The following GALNT14 variants were observed in gnomAD, a reference collection of about 807,000 sequenced individuals.
GALNT14 encodes the protein polypeptide N-acetylgalactosaminyltransferase 14.
In GALNT14, 60 loss-of-function variants were observed where a neutral mutation model predicts 77.5. That is an observed-to-expected ratio of 0.77 (90% CI 0.63 to 0.96). The LOEUF (loss-of-function observed/expected upper bound fraction) is 0.96. Ranked by LOEUF, GALNT14 falls within the 40% of genes least tolerant of loss-of-function variation. GALNT14 has a pLI of 0.00. For missense variants in GALNT14, 710 were observed against 731.0 expected (o/e 0.97, Z 0.33); for synonymous variants, 280 against 281.7 (o/e 0.99, Z 0.06).
At chr2:31,103,839 C>T (rs967624421) in intron 1 of GALNT14, among the ~76,000 whole-genome samples, 2 of 152,106 alleles carry the variant, frequency 1.3e-5, no homozygotes, top group East Asian at 1.9e-4. Context: ...TTTAGTTTTA[C>T]AGTTAAAAAT....
chr2:30,992,902 A>G lies in GALNT14; in HGVS notation c.235T>C (p.Phe79Leu). 1 of 1,614,146 alleles carries G rather than the reference A, an allele frequency of 6.2e-7. No individual in the cohort carries two copies. The highest frequency in any genetic ancestry group is 8.5e-7 in the Non-Finnish European group (1 of 1,180,024). The change falls in exon 2 of 15, where the codon TTC becomes CTC. Residue 79 changes from phenylalanine (F) to leucine (L), a missense_variant. Phe to Leu is a conservative substitution (Grantham distance 22). Transcript: ENST00000349752. ...VGDDPYKLYA[F>L]NQRESERISS... The stretch of plus-strand genomic sequence containing the variant: ...ATCCGCTCACTCTCCCGCTGGTTGA[A>G]AGCATACAGCTTATAGGGGTCGTCA...
At position 31,078,988 on chromosome 2, in the gene GALNT14, G is replaced by A. The variant is rs566083815; in HGVS notation, c.129+58970C>T. 12 of 1,289,178 alleles carry A rather than the reference G, an allele frequency of 9.3e-6. No homozygotes were observed. In the South Asian group the frequency reaches 1.4e-4, roughly 15 times the overall value. The allele number at this position is 1,289,178 out of a possible 1,614,324, so 79.9% of individuals were successfully genotyped here. A position where few individuals can be genotyped will look rare whatever the true frequency, so the allele number is the denominator to read the frequency against. On this transcript the variant is annotated intron_variant, in intron 1 of 14. Coordinates refer to ENST00000349752, the MANE Select transcript of GALNT14 (RefSeq NM_024572.4). ...TTCCATGCCTGGGAGGGAGAGCAGG[G>A]GAGCTACAGTGGGCTGCTGAAATTG...
chr2:31,004,570 C>T (rs1158045828), intron 1 of GALNT14, among the ~76,000 whole-genome samples: 2 of 152,150 alleles, frequency 1.3e-5, no homozygotes, highest in Non-Finnish European at 2.9e-5. Context: ...AAGGGTGAGG[C>T]TGCAGCCATC....
At chr2:31,067,428 T>G (rs1411158444) in intron 1 of GALNT14, among the ~76,000 whole-genome samples, 5 of 151,770 alleles carry the variant, frequency 3.3e-5, no homozygotes, top group Non-Finnish European at 7.4e-5. Context: ...AGACTCAGGC[T>G]GTCTTCACGA....
At chr2:30,891,365 CTTAA>C in the GALNT14 span, among the ~76,000 whole-genome samples, 16 of 152,294 alleles carry the variant, frequency 1.1e-4, no homozygotes, top group Admixed American at 7.2e-4. Context: ...GGCCTTGAAA[CTTAA>C]TTAGAGACTT....
At chr2:30,959,770 G>T (rs561154795) in intron 3 of GALNT14, among the ~76,000 whole-genome samples, 92 of 152,232 alleles carry the variant, frequency 6.0e-4, no homozygotes, top group Non-Finnish European at 1.1e-3. Flanking sequence ...CTATCCAGGG[G>T]CAAGGTTAAC....
At chr2:31,077,698 T>C (rs1457112935) in intron 1 of GALNT14, among the ~76,000 whole-genome samples, 2 of 152,226 alleles carry the variant, frequency 1.3e-5, no homozygotes, top group East Asian at 1.9e-4. Context: ...TTTACCTCCT[T>C]ATCTGTCTCT....
intron 1 of GALNT14, among the ~76,000 whole-genome samples, chr2:31,120,990 C>T (rs1237562908): frequency 6.6e-6 from 1 of 152,226 alleles, no homozygotes; most frequent in East Asian, 1.9e-4. Flanking sequence ...TGGATCAGCA[C>T]ACATCTCAAA....
At chr2:30,948,336 C>T (rs1339754734) in intron 6 of GALNT14, among the ~76,000 whole-genome samples, 2 of 152,158 alleles carry the variant, frequency 1.3e-5, no homozygotes, top group Non-Finnish European at 1.5e-5. Flanking sequence ...AACCTCTAAC[C>T]CCTTGGAATG....
chr2:30,946,143 G>A (rs1666681804), intron 6 of GALNT14, among the ~76,000 whole-genome samples: 1 of 152,204 alleles, frequency 6.6e-6, no homozygotes, highest in Non-Finnish European at 1.5e-5. Context: ...ACATGATGGA[G>A]GCTGGCTGGA....
At chr2:30,895,722 T>G in the GALNT14 span, among the ~76,000 whole-genome samples, 35 of 152,062 alleles carry the variant, frequency 2.3e-4, no homozygotes, top group Non-Finnish European at 4.4e-5. Flanking sequence ...TGCCCCTTGT[T>G]CTCAAGCAAC....
At chr2:30,931,534 G>A (rs964533206) in intron 10 of GALNT14, among the ~76,000 whole-genome samples, 8 of 152,110 alleles carry the variant, frequency 5.3e-5, no homozygotes, top group Admixed American at 2.0e-4. Flanking sequence ...CAGGAGGAGA[G>A]CACACCAGCA....
chr2:31,045,620 G>A (rs990230974), intron 1 of GALNT14, among the ~76,000 whole-genome samples: 4 of 151,880 alleles, frequency 2.6e-5, no homozygotes, highest in East Asian at 1.9e-4. Flanking sequence ...CCACAACCAC[G>A]CCTGGCTAAT....
intron 1 of GALNT14, among the ~76,000 whole-genome samples, chr2:31,005,407 C>G (rs1373165054): frequency 1.3e-5 from 2 of 152,172 alleles, no homozygotes; most frequent in Non-Finnish European, 2.9e-5. Context: ...ACCTCGTGGT[C>G]AGTTTCCTCC....
chr2:30,929,552 A>C, intron 10 of GALNT14, 65 bp from the exon 11 acceptor site: 1 of 1,223,498 alleles, frequency 8.2e-7, no homozygotes, highest in Non-Finnish European at 1.2e-6. Flanking sequence ...TGTGAGTGCC[A>C]GTTAAAATAC....
intron 11 of GALNT14, among the ~76,000 whole-genome samples, chr2:30,926,252 TGGATGGGAAAGAGAAGGGGAGGGATTCAA>T (rs1198786506): frequency 6.6e-6 from 1 of 152,148 alleles, no homozygotes; most frequent in African/African-American, 2.4e-5. Flanking sequence ...GGTGATCATT[TGGATGGGAAAGAGAAGGGGAGGGATTCAA>T]GGATGGGAAA....
At chr2:31,097,274 C>T (rs1019305088) in intron 1 of GALNT14, among the ~76,000 whole-genome samples, 3 of 152,106 alleles carry the variant, frequency 2.0e-5, no homozygotes, top group African/African-American at 7.2e-5. Context: ...CTTTGAGGCA[C>T]AGTGGACATT....
intron 1 of GALNT14, among the ~76,000 whole-genome samples, chr2:31,025,832 T>G (rs969980558): frequency 1.3e-5 from 2 of 152,130 alleles, no homozygotes; most frequent in African/African-American, 2.4e-5. Flanking sequence ...CAACCAGAGT[T>G]GAGTGCAAAG....
intron 9 of GALNT14, among the ~76,000 whole-genome samples, chr2:30,941,943 C>T (rs1016663490): frequency 8.5e-5 from 13 of 152,212 alleles, no homozygotes; most frequent in African/African-American, 2.4e-4. Flanking sequence ...TCTGTCAGAG[C>T]GTGTTTCCCT....
Sources: gnomAD v4.1 joint callset for allele counts (sites outside exome capture counted in the v4.1 genomes callset) on GRCh38, gnomAD v4.1.1 for gene constraint, MANE v1.5 for transcripts, NCBI Gene and HGNC (gene_info 2026-07-23, HGNC 2026-07-21) for gene names.